The following MAGI2 variants were observed in gnomAD, a reference collection of about 807,000 sequenced individuals.
The protein encoded by MAGI2 is membrane-associated guanylate kinase, WW and PDZ domain-containing protein 2.
Under a neutral mutation model 133.3 loss-of-function variants are expected in MAGI2, and 35 were observed. That is an observed-to-expected ratio of 0.26 (90% CI 0.20 to 0.35). MAGI2 has a LOEUF of 0.35. Ranked by LOEUF, MAGI2 falls within the 10% of genes least tolerant of loss-of-function variation. The probability of loss-of-function intolerance (pLI) is 1.00; values close to 1 mark genes in which losing one functional copy is unlikely to be tolerated. For synonymous variants in MAGI2, 729 were observed against 710.6 expected (o/e 1.03, Z -0.41); for missense variants, 1,636 against 1,863.4 (o/e 0.88, Z 2.25).
intron 2 of MAGI2, among the ~76,000 whole-genome samples, chr7:79,002,007 C>T (rs1225836740): frequency 1.3e-5 from 2 of 152,184 alleles, no homozygotes; most frequent in South Asian, 4.1e-4. Flanking sequence ...TAGATGACAA[C>T]GGTTTTGTCT....
At position 79,431,306 on chromosome 7, in the gene MAGI2, C is replaced by CCATAGCACTAGGAAGACTAA. The variant is rs1240775085; in HGVS notation, c.301+21713_301+21714insTTAGTCTTCCTAGTGCTATG. 2.0e-5 allele frequency among the ~76,000 whole-genome samples: 3 copies of CCATAGCACTAGGAAGACTAA among 151,992 alleles called. No individual in the cohort carries two copies. In the East Asian group the frequency reaches 5.8e-4, roughly 29 times the overall value. On this transcript the variant is annotated intron_variant, in intron 1 of 21. Coordinates refer to ENST00000354212, the MANE Select transcript of MAGI2 (RefSeq NM_012301.4). ...TAAACAAATAGCAGATTTATATCAA[C>CCATAGCACTAGGAAGACTAA]CATAGCAGGAAGACTAACAATTTCC...
chr7:79,451,109 T>A (rs1417811000), intron 1 of MAGI2, among the ~76,000 whole-genome samples: 1 of 152,224 alleles, frequency 6.6e-6, no homozygotes, highest in East Asian at 1.9e-4. Flanking sequence ...TCTTTTGAAC[T>A]TACTCTTTGC....
rs1790242893 is a variant in MAGI2, at chr7:78,233,981, G to A, written c.2047+21962C>T. Among the ~76,000 whole-genome samples, 3 of 152,110 alleles carry A rather than the reference G, an allele frequency of 2.0e-5. No homozygotes were observed. In the South Asian group the frequency reaches 6.2e-4, roughly 31 times the overall value. ...TCAGCTAAATGTGGATCTAATGCAT[G>A]TATTTTAGTGGTCATGAATGTTTTC... is the stretch of plus-strand genomic sequence containing the variant. On this transcript the variant is annotated intron_variant, in intron 10 of 21. Transcript: ENST00000354212.
chr7:78,185,464 C>T (rs374606012), intron 13 of MAGI2, 165 bp downstream of exon 13: 48 of 451,374 alleles, frequency 1.1e-4, no homozygotes, highest in African/African-American at 7.6e-4. Context: ...CATTTAGGCT[C>T]ACCATGATGA....
At chr7:78,985,402 T>A (rs753321626) in intron 2 of MAGI2, among the ~76,000 whole-genome samples, 6 of 152,094 alleles carry the variant, frequency 3.9e-5, no homozygotes, top group Non-Finnish European at 7.4e-5. Flanking sequence ...GAGAAAACTA[T>A]TTTTAATCTA....
At chr7:78,115,603 C>G (rs74788045) in intron 20 of MAGI2, among the ~76,000 whole-genome samples, 1,683 of 152,168 alleles carry the variant, frequency 0.011, 38 homozygotes, top group African/African-American at 0.037. Flanking sequence ...TAGGTCACTA[C>G]ATAATGAGAA....
In MAGI2 at chr7:78,766,173, T is replaced by C. The variant is rs571946235; in HGVS notation, c.419-138934A>G. 2.0e-5 allele frequency among the ~76,000 whole-genome samples: 3 copies of C among 152,160 alleles called. No individual in the cohort carries two copies. In the South Asian group the frequency reaches 6.2e-4, roughly 32 times the overall value. ...TCCCTGTGCCTTTATTTGGCCGGGG[T>C]TGTGCTTTTGTGGAAAGTGCTTGGC... On this transcript the variant is annotated intron_variant, in intron 2 of 21. Coordinates refer to ENST00000354212, the MANE Select transcript of MAGI2 (RefSeq NM_012301.4).
At chr7:79,404,407 G>A (rs1845668688) in intron 1 of MAGI2, among the ~76,000 whole-genome samples, 1 of 151,972 alleles carries the variant, frequency 6.6e-6, no homozygotes, top group Non-Finnish European at 1.5e-5. Context: ...ACAATCATAG[G>A]TCACTGCAGC....
At chr7:78,468,139 C>T (rs888233149) in intron 6 of MAGI2, among the ~76,000 whole-genome samples, 1 of 152,152 alleles carries the variant, frequency 6.6e-6, no homozygotes, top group Non-Finnish European at 1.5e-5. Flanking sequence ...ACTAAATTTG[C>T]AGAGACTAAT....
intron 1 of MAGI2, among the ~76,000 whole-genome samples, chr7:79,163,474 C>T (rs987186119): frequency 4.3e-4 from 65 of 152,088 alleles, no homozygotes; most frequent in African/African-American, 1.5e-3. Flanking sequence ...AAACCAGGCC[C>T]TTTATGACAA....
At chr7:79,226,426 A>G (rs991576208) in intron 1 of MAGI2, among the ~76,000 whole-genome samples, 2 of 152,274 alleles carry the variant, frequency 1.3e-5, no homozygotes, top group African/African-American at 4.8e-5. Context: ...AGAATATATA[A>G]TCTTCCCTTT....
intron 2 of MAGI2, among the ~76,000 whole-genome samples, chr7:78,657,285 C>T (rs7777349): frequency 0.019 from 2,833 of 152,228 alleles, 56 homozygotes; most frequent in African/African-American, 0.051. Context: ...TGATACTAAA[C>T]GTACTCTTAG....
At chr7:78,388,368 A>AACT (rs1283345477) in intron 6 of MAGI2, among the ~76,000 whole-genome samples, 2 of 152,158 alleles carry the variant, frequency 1.3e-5, no homozygotes, top group African/African-American at 4.8e-5. Flanking sequence ...GGAATAGTGA[A>AACT]TGATGAAGAC....
intron 2 of MAGI2, among the ~76,000 whole-genome samples, chr7:78,678,465 G>C (rs1368177448): frequency 4.6e-5 from 7 of 152,074 alleles, no homozygotes; most frequent in Admixed American, 3.3e-4. Flanking sequence ...GGGTGGTAAG[G>C]TTTGCTCAAG....
chr7:78,196,023 G>T (rs1036966487), intron 11 of MAGI2, among the ~76,000 whole-genome samples: 1 of 152,212 alleles, frequency 6.6e-6, no homozygotes, highest in Non-Finnish European at 1.5e-5. Context: ...TTCCTAGAGG[G>T]TCATGGCGGG....
chr7:79,214,691 AT>A (rs1446485533), intron 1 of MAGI2, among the ~76,000 whole-genome samples: 1 of 139,888 alleles, frequency 7.1e-6, no homozygotes, highest in African/African-American at 2.6e-5. Context: ...TATAATATAT[AT>A]TTATACATAA....
At chr7:78,276,845 G>A (rs904153009) in intron 9 of MAGI2, among the ~76,000 whole-genome samples, 1 of 152,048 alleles carries the variant, frequency 6.6e-6, no homozygotes, top group Middle Eastern at 3.2e-3. Flanking sequence ...ATATGTGCCT[G>A]GTAAATTCTA....
At chr7:78,748,171 A>T (rs1251174015) in intron 2 of MAGI2, among the ~76,000 whole-genome samples, 2 of 151,962 alleles carry the variant, frequency 1.3e-5, no homozygotes, top group African/African-American at 4.8e-5. Flanking sequence ...AAAAAAAAAA[A>T]ACTTTCTTAA....
chr7:79,127,621 C>A (rs954546422), intron 1 of MAGI2, among the ~76,000 whole-genome samples: 6 of 152,076 alleles, frequency 3.9e-5, no homozygotes, highest in African/African-American at 1.4e-4. Context: ...CTATTCATAT[C>A]CTTTGCCCAC....
Sources: allele counts gnomAD v4.1 joint callset (sites outside exome capture counted in the v4.1 genomes callset), GRCh38; gene constraint gnomAD v4.1.1; transcripts MANE v1.5; gene names NCBI Gene and HGNC (gene_info 2026-07-23, HGNC 2026-07-21).